The following CARMIL1 variants were observed in gnomAD, a reference collection of about 807,000 sequenced individuals.
The protein encoded by CARMIL1 is F-actin-uncapping protein LRRC16A.
Under a neutral mutation model 177.1 loss-of-function variants are expected in CARMIL1, and 90 were observed. That is an observed-to-expected ratio of 0.51 (90% CI 0.43 to 0.61). The LOEUF (loss-of-function observed/expected upper bound fraction) is 0.61, where lower values mean the gene tolerates loss of function less well. Ranked by LOEUF, CARMIL1 falls within the 20% of genes least tolerant of loss-of-function variation. CARMIL1 has a pLI of 0.00. For missense variants in CARMIL1, 1,380 were observed against 1,667.0 expected (o/e 0.83, Z 3.00); for synonymous variants, 577 against 606.2 (o/e 0.95, Z 0.71).
intron 2 of CARMIL1, among the ~76,000 whole-genome samples, chr6:25,295,749 A>G (rs991933574): frequency 2.0e-5 from 3 of 152,150 alleles, no homozygotes; most frequent in Non-Finnish European, 4.4e-5. Context: ...CTACTACAGT[A>G]TGTTTGCTGG....
chr6:25,517,501 A>G, intron 22 of CARMIL1, 86 bp downstream of exon 22: 2 of 997,442 alleles, frequency 2.0e-6, no homozygotes, highest in Non-Finnish European at 3.1e-6. Flanking sequence ...AATAGAATCA[A>G]CTGTTTATTG....
At chr6:25,546,669 C>CAAAAAAAAAAAAAAA (rs58285338) in intron 26 of CARMIL1, among the ~76,000 whole-genome samples, 1 of 115,474 alleles carries the variant, frequency 8.7e-6, no homozygotes, top group Non-Finnish European at 1.8e-5. Context: ...ACAACAACAA[C>CAAAAAAAAAAAAAAA]AAAAAAAAAA....
intron 2 of CARMIL1, among the ~76,000 whole-genome samples, chr6:25,398,170 T>A (rs963305561): frequency 6.6e-6 from 1 of 152,196 alleles, no homozygotes; most frequent in Non-Finnish European, 1.5e-5. Context: ...TTTATATTTT[T>A]CTGGTATGGG....
intron 2 of CARMIL1, among the ~76,000 whole-genome samples, chr6:25,361,449 C>T (rs1380384967): frequency 6.6e-6 from 1 of 151,730 alleles, no homozygotes; most frequent in African/African-American, 2.4e-5. Flanking sequence ...TTCCAAAATT[C>T]ATTTATATGA....
chr6:25,498,397 T>C (rs918784553), intron 16 of CARMIL1, among the ~76,000 whole-genome samples: 1 of 152,186 alleles, frequency 6.6e-6, no homozygotes, highest in Non-Finnish European at 1.5e-5. Flanking sequence ...GTATGCTTTA[T>C]TGTATTTGTT....
chr6:25,550,782 G>A (rs781479097), intron 26 of CARMIL1, 128 bp from the exon 27 acceptor site: 98 of 772,884 alleles, frequency 1.3e-4, no homozygotes, highest in East Asian at 2.0e-4. Context: ...TCTTGGTTGC[G>A]CTCTGGGACT....
At chr6:25,324,108 G>A (rs750100562) in intron 2 of CARMIL1, among the ~76,000 whole-genome samples, 1 of 152,228 alleles carries the variant, frequency 6.6e-6, no homozygotes, top group Non-Finnish European at 1.5e-5. Flanking sequence ...AATTGTGGGA[G>A]TTAACCCTGT....
chr6:25,365,423 T>C (rs897013980), intron 2 of CARMIL1, among the ~76,000 whole-genome samples: 9 of 152,242 alleles, frequency 5.9e-5, no homozygotes, highest in Non-Finnish European at 1.3e-4. Flanking sequence ...GGCAAGAAGC[T>C]GTCAGTGCAC....
intron 8 of CARMIL1, among the ~76,000 whole-genome samples, chr6:25,464,486 C>G (rs540636574): frequency 6.6e-6 from 1 of 152,110 alleles, no homozygotes; most frequent in Non-Finnish European, 1.5e-5. Context: ...AGCACAGGGC[C>G]GGGCCACCCA....
At chr6:25,311,851 A>T (rs1783845998) in intron 2 of CARMIL1, among the ~76,000 whole-genome samples, 1 of 152,182 alleles carries the variant, frequency 6.6e-6, no homozygotes, top group Non-Finnish European at 1.5e-5. Flanking sequence ...GTGATTTTGA[A>T]GACACAATTC....
At chr6:25,532,426 T>C (rs1807862369) in intron 24 of CARMIL1, among the ~76,000 whole-genome samples, 1 of 152,232 alleles carries the variant, frequency 6.6e-6, no homozygotes, top group Admixed American at 6.5e-5. Context: ...CTGAGTTATG[T>C]AGTAGGTATA....
chr6:25,376,150 G>C (rs1790954620), intron 2 of CARMIL1, among the ~76,000 whole-genome samples: 1 of 152,162 alleles, frequency 6.6e-6, no homozygotes, highest in Non-Finnish European at 1.5e-5. Context: ...GCACGATCTT[G>C]GCTCACTGCA....
chr6:25,610,570 C>T (rs1261632465), intron 36 of CARMIL1, among the ~76,000 whole-genome samples: 1 of 152,120 alleles, frequency 6.6e-6, no homozygotes, highest in Non-Finnish European at 1.5e-5. Context: ...CGTGGCAAAT[C>T]AGTACTGCTA....
At chr6:25,499,091 A>G (rs1463180372) in intron 16 of CARMIL1, among the ~76,000 whole-genome samples, 3 of 152,202 alleles carry the variant, frequency 2.0e-5, no homozygotes, top group African/African-American at 7.2e-5. Flanking sequence ...CTTAGTAGAT[A>G]AAGCCAGAGA....
chr6:25,514,182 A>G (rs1473611417), intron 20 of CARMIL1, among the ~76,000 whole-genome samples: 3 of 152,200 alleles, frequency 2.0e-5, no homozygotes, highest in African/African-American at 7.2e-5. Flanking sequence ...GTGGCTTTCA[A>G]TATCTGGTTT....
intron 2 of CARMIL1, among the ~76,000 whole-genome samples, chr6:25,390,913 G>T (rs1156632673): frequency 3.3e-5 from 5 of 152,152 alleles, no homozygotes; most frequent in African/African-American, 1.2e-4. Context: ...TGTTGGCCAG[G>T]CTGGTCTTGA....
intron 36 of CARMIL1, among the ~76,000 whole-genome samples, chr6:25,619,001 T>A (rs1410883966): frequency 6.6e-6 from 1 of 152,194 alleles, no homozygotes; most frequent in Non-Finnish European, 1.5e-5. Context: ...GCAGAAGGCA[T>A]CGAATGGGAC....
At chr6:25,467,228 G>A (rs1366424810) in intron 9 of CARMIL1, among the ~76,000 whole-genome samples, 1 of 152,188 alleles carries the variant, frequency 6.6e-6, no homozygotes, top group African/African-American at 2.4e-5. Context: ...AGCTCTCAGG[G>A]AGCAGACAGG....
Position 25,279,807 on chromosome 6 carries a change from G to C in CARMIL1, c.12G>C (p.Glu4Asp). The C allele has an allele frequency of 1.9e-6, 3 of 1,614,026 alleles. No individual in the cohort carries two copies. The highest frequency in any genetic ancestry group is 2.2e-5 in the East Asian group (1 of 44,886). The change falls in exon 1 of 37, where the codon GAG (glutamate) becomes GAC (aspartate). Residue 4 changes from glutamate to aspartate, a missense_variant. Physicochemically the swap from Glu to Asp is conservative, Grantham distance 45. Transcript: ENST00000329474. Reference protein sequence around the residue: MTEESSDVPRELIE... With the variant: MTEDSSDVPRELIE... ...CCTACAGGGCAACCATGACCGAGGAGAGCTCTGACGTTCCCAGGGAGTTGA... is the reference window on the plus strand; with the variant it reads ...CCTACAGGGCAACCATGACCGAGGACAGCTCTGACGTTCCCAGGGAGTTGA...
Sources: gnomAD v4.1 joint callset for allele counts (sites outside exome capture counted in the v4.1 genomes callset) on GRCh38, gnomAD v4.1.1 for gene constraint, MANE v1.5 for transcripts, NCBI Gene and HGNC (gene_info 2026-07-23, HGNC 2026-07-21) for gene names.